Variants in TRPM3 observed in about 807,000 individuals in gnomAD.
TRPM3 encodes the protein transient receptor potential cation channel subfamily M member 3.
Under a neutral mutation model 181.2 loss-of-function variants are expected in TRPM3, and 77 were observed. The ratio of observed to expected loss-of-function variants is 0.42; its 90% CI spans 0.35 to 0.51. The LOEUF (loss-of-function observed/expected upper bound fraction) is 0.51. Ranked by LOEUF, TRPM3 falls within the 20% of genes least tolerant of loss-of-function variation. The pLI, the probability that TRPM3 is intolerant of heterozygous loss-of-function variation, is 0.01. For missense variants in TRPM3, 1,759 were observed against 2,196.7 expected (o/e 0.80, Z 3.98); for synonymous variants, 745 against 796.4 (o/e 0.94, Z 1.09).
intron 5 of TRPM3, among the ~76,000 whole-genome samples, chr9:70,835,844 A>T (rs1476976429): frequency 6.6e-6 from 1 of 152,152 alleles, no homozygotes; most frequent in African/African-American, 2.4e-5. Flanking sequence ...GCAAAGGATA[A>T]TGGCTAAGAA....
At chr9:71,009,026 C>A (rs1434862046) in intron 1 of TRPM3, among the ~76,000 whole-genome samples, 1 of 152,146 alleles carries the variant, frequency 6.6e-6, no homozygotes, top group Non-Finnish European at 1.5e-5. Context: ...AATTCAAAAT[C>A]CTTTCATGAT....
intron 1 of TRPM3, among the ~76,000 whole-genome samples, chr9:71,154,935 A>C (rs1200716027): frequency 6.6e-6 from 1 of 152,182 alleles, no homozygotes; most frequent in African/African-American, 2.4e-5. Context: ...AAACTCACAC[A>C]AAAAGCATTA....
At chr9:71,119,597 T>C (rs2073177406) in intron 1 of TRPM3, among the ~76,000 whole-genome samples, 1 of 152,132 alleles carries the variant, frequency 6.6e-6, no homozygotes, top group African/African-American at 2.4e-5. Flanking sequence ...CACCTATCTG[T>C]CAAGAAGAGT....
At chr9:70,629,723 G>T (rs531148471) in intron 12 of TRPM3, among the ~76,000 whole-genome samples, 1 of 152,196 alleles carries the variant, frequency 6.6e-6, no homozygotes, top group African/African-American at 2.4e-5. Context: ...TAAGGAATGA[G>T]TCAGATGCTC....
chr9:71,110,583 C>A (rs971490773), intron 1 of TRPM3, among the ~76,000 whole-genome samples: 1 of 152,102 alleles, frequency 6.6e-6, no homozygotes, highest in Non-Finnish European at 1.5e-5. Flanking sequence ...AGCCACAAAG[C>A]CTAAACCAGT....
chr9:70,740,469 GA>G (rs36102371), intron 8 of TRPM3, among the ~76,000 whole-genome samples: 33,189 of 151,932 alleles, frequency 0.22, 4,455 homozygotes, highest in Non-Finnish European at 0.3. Context: ...CACAGACCTA[GA>G]AAAAACAATC....
chr9:70,950,323 T>C (rs2096984289), intron 1 of TRPM3, among the ~76,000 whole-genome samples: 1 of 152,222 alleles, frequency 6.6e-6, no homozygotes, highest in Non-Finnish European at 1.5e-5. Flanking sequence ...AATAAAGAGC[T>C]GTCAAAAGCT....
chr9:71,034,753 A>AT lies in TRPM3; in HGVS notation c.177+86424dup, dbSNP rs201429802. Among the ~76,000 whole-genome samples, 1,127 of 136,536 alleles carry AT rather than the reference A, an allele frequency of 8.3e-3. 9 individuals are homozygous for AT. The highest frequency in any genetic ancestry group is 0.015 in the South Asian group (64 of 4,298). 89.6% of individuals were successfully genotyped at this position (136,536 alleles called of 152,430 possible). ...AATGCTACCAATTGGGGTCTTTACTATTTTTTTTTTTTTAGAGAGAGATGT... is the reference window on the plus strand; with the variant it reads ...AATGCTACCAATTGGGGTCTTTACTATTTTTTTTTTTTTTAGAGAGAGATGT... On this transcript the variant is annotated intron_variant, in intron 1 of 25. Coordinates refer to ENST00000677713, the MANE Select transcript of TRPM3 (RefSeq NM_001366145.2).
intron 1 of TRPM3, among the ~76,000 whole-genome samples, chr9:71,332,374 T>TGG (rs1189743576): frequency 8.4e-5 from 11 of 131,626 alleles, no homozygotes; most frequent in East Asian, 6.7e-4. Context: ...TTTTCAATGT[T>TGG]GGGTGTGTGT....
chr9:71,095,251 T>G (rs1241608092), intron 1 of TRPM3, among the ~76,000 whole-genome samples: 1 of 152,206 alleles, frequency 6.6e-6, no homozygotes, highest in Non-Finnish European at 1.5e-5. Flanking sequence ...AATATTTGCT[T>G]ATTAAATGAA....
chr9:71,204,108 C>G (rs1208418522), intron 1 of TRPM3, among the ~76,000 whole-genome samples: 1 of 150,908 alleles, frequency 6.6e-6, no homozygotes. Flanking sequence ...CCATAAAAAC[C>G]CTAGAAGAAA....
intron 1 of TRPM3, among the ~76,000 whole-genome samples, chr9:71,323,883 G>A (rs2089453721): frequency 6.6e-6 from 1 of 152,140 alleles, no homozygotes; most frequent in Admixed American, 6.6e-5. Flanking sequence ...TTTATTTGCT[G>A]ATCTTAGATG....
At chr9:70,948,216 A>C (rs1029698368) in intron 1 of TRPM3, among the ~76,000 whole-genome samples, 1 of 151,984 alleles carries the variant, frequency 6.6e-6, no homozygotes, top group South Asian at 2.1e-4. Flanking sequence ...TTATGTTTCA[A>C]TCATGCAGTT....
rs545010498 is a variant in TRPM3, at chr9:70,969,735, T to A, written c.178-105224A>T. On this transcript the variant is annotated intron_variant, in intron 1 of 25. Transcript: ENST00000677713. ...TAATAATCCTACACACCTGCAGGAT[T>A]GTTGTGAAGACTGAATGATTTTATA... 2.7e-5 allele frequency among the ~76,000 whole-genome samples: 4 copies of A among 146,856 alleles called. No homozygotes were observed. The South Asian group carries it at 8.7e-4, about 32-fold the overall frequency.
chr9:71,019,151 A>G (rs1410068377), intron 1 of TRPM3, among the ~76,000 whole-genome samples: 2 of 151,960 alleles, frequency 1.3e-5, no homozygotes, highest in African/African-American at 4.8e-5. Context: ...CCCTACAGCA[A>G]ATATGATCTT....
chr9:70,748,247 A>G (rs1564109431), intron 8 of TRPM3, among the ~76,000 whole-genome samples: 2 of 152,108 alleles, frequency 1.3e-5, no homozygotes, highest in Admixed American at 6.6e-5. Flanking sequence ...CATTAGCACA[A>G]TTTGTAAGTC....
intron 1 of TRPM3, among the ~76,000 whole-genome samples, chr9:70,909,073 A>G (rs1489386473): frequency 6.6e-6 from 1 of 152,246 alleles, no homozygotes; most frequent in Non-Finnish European, 1.5e-5. Context: ...ACACAATAGC[A>G]TGAACTGCAG....
At chr9:70,811,553 G>A (rs150720953) in intron 6 of TRPM3, among the ~76,000 whole-genome samples, 572 of 152,284 alleles carry the variant, frequency 3.8e-3, no homozygotes, top group Non-Finnish European at 6.2e-3. Context: ...TCTGTTAAGT[G>A]CTTGTACTGA....
At chr9:70,750,855 C>A (rs1376493260) in intron 8 of TRPM3, among the ~76,000 whole-genome samples, 1 of 152,012 alleles carries the variant, frequency 6.6e-6, no homozygotes, top group Admixed American at 6.6e-5. Flanking sequence ...GGTGAGACAT[C>A]CAAGCGCAAG....
Sources: allele counts gnomAD v4.1 joint callset (sites outside exome capture counted in the v4.1 genomes callset), GRCh38; gene constraint gnomAD v4.1.1; transcripts MANE v1.5; gene names NCBI Gene and HGNC (gene_info 2026-07-23, HGNC 2026-07-21).